The following GFRA1 variants were observed in gnomAD, a reference collection of about 807,000 sequenced individuals.
GFRA1 encodes the protein GDNF family receptor alpha-1.
GFRA1 carries 16 observed loss-of-function variants against 51.6 expected under a neutral mutation model. The ratio of observed to expected loss-of-function variants is 0.31; its 90% CI spans 0.21 to 0.47. GFRA1 has a LOEUF of 0.47. GFRA1 is among the 20% of genes least tolerant of loss of function. The pLI, the probability that GFRA1 is intolerant of heterozygous loss-of-function variation, is 1.00. For missense variants in GFRA1, 530 were observed against 594.3 expected, an observed-to-expected ratio of 0.89 and a Z score of 1.13; for synonymous variants, 270 against 241.3, an observed-to-expected ratio of 1.12 and a Z score of -1.10.
intron 4 of GFRA1, among the ~76,000 whole-genome samples, chr10:116,263,807 A>G (rs1487663584): frequency 6.6e-6 from 1 of 152,192 alleles, no homozygotes; most frequent in Non-Finnish European, 1.5e-5. Context: ...AGTTACATCC[A>G]TGATGTGGAA....
rs1049679734 is a variant in GFRA1, at chr10:116,060,742, T to A, written c.*3656A>T. 1.3e-5 allele frequency: 2 copies of A among 152,202 alleles called. No individual in the cohort carries two copies. Among genetic ancestry groups the A allele is most frequent in the African/African-American group, 2.4e-5 (1 of 41,444 alleles). The allele number at this position is 152,202 out of a possible 1,614,324, so 9.4% of individuals were successfully genotyped here. On this transcript the variant is annotated 3_prime_UTR_variant, in exon 11 of 11. Coordinates refer to ENST00000355422, the MANE Select transcript of GFRA1 (RefSeq NM_005264.8). ...GGTCATCAACAGCCTCGAAAGAGAA[T>A]TAGAACACGTGAATTCATTTAAGCA...
chr10:116,076,364 A>G lies in GFRA1; in HGVS notation c.1198-10738T>C, dbSNP rs898568440. Among the ~76,000 whole-genome samples, 3 of 152,234 alleles carry G rather than the reference A, an allele frequency of 2.0e-5. No individual in the cohort carries two copies. In the East Asian group the frequency reaches 5.8e-4, roughly 29 times the overall value. ...CTTACATTGTTCCCAAGGAACACCA[A>G]ATTTCCACAGAAACACCCTGGAGCC... On this transcript the variant is annotated intron_variant, in intron 9 of 10. Transcript: ENST00000355422.
chr10:116,271,260 C>T, intron 2 of GFRA1, 145 bp from the exon 3 acceptor site: 2 of 622,628 alleles, frequency 3.2e-6, no homozygotes, highest in East Asian at 2.8e-5. Context: ...ACCTCTCGAC[C>T]ATCCGGGAGT....
At chr10:116,270,792 C>CGGGGT (rs1843850542) in intron 3 of GFRA1, 30 bp downstream of exon 3, 3 of 1,386,722 alleles carry the variant, frequency 2.2e-6, no homozygotes, top group Admixed American at 1.8e-5. Context: ...GGGAGGGACA[C>CGGGGT]GGGGTGGGGT....
chr10:116,195,613 C>G (rs923851593), intron 5 of GFRA1, among the ~76,000 whole-genome samples: 1 of 152,184 alleles, frequency 6.6e-6, no homozygotes, highest in Admixed American at 6.5e-5. Flanking sequence ...TTGCCGGTCA[C>G]TCACCTCCTG....
intron 9 of GFRA1, among the ~76,000 whole-genome samples, chr10:116,076,976 T>C (rs1346283488): frequency 2.0e-5 from 3 of 152,202 alleles, no homozygotes; most frequent in African/African-American, 7.2e-5. Flanking sequence ...GAATATATAA[T>C]TAAATTATCA....
intron 5 of GFRA1, among the ~76,000 whole-genome samples, chr10:116,161,086 G>C (rs1224356883): frequency 6.6e-6 from 1 of 152,224 alleles, no homozygotes; most frequent in Non-Finnish European, 1.5e-5. Flanking sequence ...GTAGAAAACA[G>C]AGTTGGGATG....
chr10:116,265,281 C>G (rs1291686813), intron 4 of GFRA1, among the ~76,000 whole-genome samples: 1 of 151,652 alleles, frequency 6.6e-6, no homozygotes, highest in African/African-American at 2.4e-5. Context: ...ATGTTCAAAA[C>G]CTAACATTAC....
intron 9 of GFRA1, among the ~76,000 whole-genome samples, chr10:116,078,766 G>A (rs952386464): frequency 1.3e-5 from 2 of 152,082 alleles, no homozygotes; most frequent in African/African-American, 2.4e-5. Context: ...CGATGAAAAC[G>A]TCACAAAGAC....
chr10:116,254,862 A>G (rs1751042700), intron 4 of GFRA1, among the ~76,000 whole-genome samples: 1 of 152,210 alleles, frequency 6.6e-6, no homozygotes, highest in South Asian at 2.1e-4. Flanking sequence ...AACAGCTGCC[A>G]CCAAACCCCA....
Position 116,239,761 on chromosome 10 carries a change from A to G in GFRA1, c.419-28116T>C, listed in dbSNP as rs115713850. 9.0e-3 allele frequency among the ~76,000 whole-genome samples: 1,371 copies of G among 152,338 alleles called. 14 individuals are homozygous for G. The highest frequency in any genetic ancestry group is 0.031 in the African/African-American group (1,280 of 41,590). On this transcript the variant is annotated intron_variant, in intron 4 of 10. Coordinates refer to ENST00000355422, the MANE Select transcript of GFRA1 (RefSeq NM_005264.8). The stretch of plus-strand genomic sequence containing the variant: ...CAAAAGGAGGCTGCTGATCTTCATC[A>G]AAAGATAATTTATACTTGGGTTTTT...
At chr10:116,210,676 G>A (rs1157642785) in intron 5 of GFRA1, among the ~76,000 whole-genome samples, 2 of 152,144 alleles carry the variant, frequency 1.3e-5, no homozygotes, top group South Asian at 2.1e-4. Context: ...CATAACACAC[G>A]CTGCCTGTTT....
At chr10:116,165,656 C>A (rs1199756297) in intron 5 of GFRA1, among the ~76,000 whole-genome samples, 1 of 65,956 alleles carries the variant, frequency 1.5e-5, no homozygotes, top group Non-Finnish European at 3.3e-5. Flanking sequence ...TGTGCTCTTT[C>A]TCTCACTCTC....
At chr10:116,079,729 G>A (rs559672950) in intron 9 of GFRA1, among the ~76,000 whole-genome samples, 19 of 152,204 alleles carry the variant, frequency 1.2e-4, no homozygotes, top group African/African-American at 3.6e-4. Flanking sequence ...TGCCAATGTC[G>A]AGGAAGCCTG....
chr10:116,142,436 C>A (rs1206488455), intron 5 of GFRA1, among the ~76,000 whole-genome samples: 1 of 152,174 alleles, frequency 6.6e-6, no homozygotes, highest in Non-Finnish European at 1.5e-5. Context: ...ATAAAGTCAT[C>A]TGTGGATTTC....
chr10:116,175,578 C>T (rs1370910950), intron 5 of GFRA1, among the ~76,000 whole-genome samples: 2 of 152,220 alleles, frequency 1.3e-5, no homozygotes, highest in Non-Finnish European at 2.9e-5. Context: ...TCGTAAGCTA[C>T]ATTCAAAGCT....
At chr10:116,141,605 G>A (rs965186714) in intron 5 of GFRA1, among the ~76,000 whole-genome samples, 1 of 151,988 alleles carries the variant, frequency 6.6e-6, no homozygotes, top group Non-Finnish European at 1.5e-5. Flanking sequence ...TGGGCGGGGA[G>A]CAGAGTCTTG....
chr10:116,159,234 G>A (rs1959489936), intron 5 of GFRA1, among the ~76,000 whole-genome samples: 1 of 152,132 alleles, frequency 6.6e-6, no homozygotes, highest in Admixed American at 6.5e-5. Context: ...CCTCTCTGAG[G>A]AGGGCAGTGT....
upstream of GFRA1, among the ~76,000 whole-genome samples, chr10:116,274,101 A>G (rs1844132454): frequency 6.6e-6 from 1 of 152,134 alleles, no homozygotes; most frequent in African/African-American, 2.4e-5. Context: ...AAAAAAGCCT[A>G]ACATGTACAC....
Sources: allele counts gnomAD v4.1 joint callset (sites outside exome capture counted in the v4.1 genomes callset), GRCh38; gene constraint gnomAD v4.1.1; transcripts MANE v1.5; gene names NCBI Gene and HGNC (gene_info 2026-07-23, HGNC 2026-07-21).